PAPLN: variants seen among roughly 807,000 people sequenced by gnomAD.
PAPLN encodes papilin, proteoglycan like sulfated glycoprotein, also known as papilin.
Under a neutral mutation model 159.0 loss-of-function variants are expected in PAPLN, and 146 were observed. The ratio of observed to expected loss-of-function variants is 0.92; its 90% CI spans 0.80 to 1.05. PAPLN has a LOEUF of 1.05. PAPLN is among the 50% of genes least tolerant of loss of function. The pLI is 0.00. For synonymous variants in PAPLN, 734 were observed against 702.9 expected (o/e 1.04, Z -0.70); for missense variants, 1,720 against 1,743.9 (o/e 0.99, Z 0.24).
rs1887259530 is a variant in PAPLN, at chr14:73,266,837, G to C, written c.3500+6G>C. On this transcript the variant is annotated splice_donor_region_variant and intron_variant, in intron 25 of 26. Coordinates refer to ENST00000644200, the MANE Select transcript of PAPLN (RefSeq NM_001365906.3). ...GTGAACATCAGGTGGTCCAGGTAAAGGCTCTATTCCAAGTTGTCCCTGTCC... is the reference window on the plus strand; with the variant it reads ...GTGAACATCAGGTGGTCCAGGTAAACGCTCTATTCCAAGTTGTCCCTGTCC... The C allele has an allele frequency of 3.1e-6, 5 of 1,605,400 alleles. No homozygotes were observed. The highest frequency in any genetic ancestry group is 4.3e-6 in the Non-Finnish European group (5 of 1,175,774).
chr14:73,236,079 C>G (rs142397203), upstream of PAPLN, among the ~76,000 whole-genome samples: 855 of 152,212 alleles, frequency 5.6e-3, 11 homozygotes, highest in African/African-American at 0.019. Flanking sequence ...TTGCCACCAC[C>G]CCACCCCCAA....
chr14:73,247,797 CGT>C (rs869273897), intron 5 of PAPLN, among the ~76,000 whole-genome samples: 58 of 32,520 alleles, frequency 1.8e-3, no homozygotes, highest in Admixed American at 1.6e-3. Flanking sequence ...TCTCTTATCC[CGT>C]GTGTGTGTGT....
chr14:73,259,846 A>C (rs1238950655), intron 16 of PAPLN, among the ~76,000 whole-genome samples: 3 of 152,146 alleles, frequency 2.0e-5, no homozygotes, highest in Non-Finnish European at 4.4e-5. Context: ...TCTAGCTCTC[A>C]GATCTAACCA....
chr14:73,249,545 G>A (rs751885416), intron 5 of PAPLN, among the ~76,000 whole-genome samples: 37 of 151,936 alleles, frequency 2.4e-4, no homozygotes, highest in African/African-American at 6.8e-4. Flanking sequence ...GTGGTGGCGC[G>A]TGCCTGTAGT....
At chr14:73,254,482 C>T (rs772340320) in intron 12 of PAPLN, 31 bp from the exon 13 acceptor site, 18 of 1,608,958 alleles carry the variant, frequency 1.1e-5, no homozygotes, top group Admixed American at 1.7e-5. Context: ...GGGGCAAGGC[C>T]GAGCTTCTGC....
At chr14:73,247,891 T>C (rs756337238) in intron 5 of PAPLN, among the ~76,000 whole-genome samples, 47 of 8,558 alleles carry the variant, frequency 5.5e-3, no homozygotes, top group Non-Finnish European at 7.3e-3. Flanking sequence ...ATATCCTCCG[T>C]GTGTGTGTGT....
At chr14:73,246,885 C>G (rs1419029178) in intron 5 of PAPLN, 1 of 152,308 alleles carries the variant, frequency 6.6e-6, no homozygotes, top group African/African-American at 2.4e-5. Context: ...CAGCATTTGT[C>G]AAATACCCCA....
chr14:73,239,640 G>A, intron 1 of PAPLN, 133 bp from the exon 2 acceptor site: 3 of 1,426,216 alleles, frequency 2.1e-6, no homozygotes, highest in Non-Finnish European at 2.8e-6. Flanking sequence ...GCACCGAGGC[G>A]CACCCGGCTG....
At position 73,249,966 on chromosome 14, in the gene PAPLN, C is replaced by T. The variant is rs1263018071; in HGVS notation, c.335-18C>T. 6.3e-7 allele frequency: 1 copy of T among 1,586,052 alleles called. No individual in the cohort carries two copies. The highest frequency in any genetic ancestry group is 8.6e-7 in the Non-Finnish European group (1 of 1,165,162). The stretch of plus-strand genomic sequence containing the variant: ...CATCAACCTCAGGATCTCAGTCTTG[C>T]CTTCCTGCCCACCCCAGCCCCAAAC... On this transcript the variant is annotated intron_variant, in intron 5 of 26. Transcript: ENST00000644200.
Position 73,272,513 on chromosome 14 carries a change from G to T in PAPLN, c.3686G>T (p.Arg1229Met). 6.4e-7 allele frequency: 1 copy of T among 1,562,910 alleles called. No homozygotes were observed. Among genetic ancestry groups the T allele is most frequent in the Non-Finnish European group, 8.8e-7 (1 of 1,142,788 alleles). The part of the protein sequence containing the change: ...VVSPAPTAQP[R>M]DPGRDCVDQP... ...TCTGCAGCACCCACCGCCCAGCCCA[G>T]GGACCCTGGCAGGGACTGCGTCGAC... The change falls in exon 27 of 27, where the codon AGG (arginine) becomes ATG (methionine). Residue 1229 changes from arginine to methionine, a missense_variant. Transcript: ENST00000644200.
chr14:73,263,703 C>T lies in PAPLN; in HGVS notation c.2782C>T (p.Arg928Trp), dbSNP rs139258651. ...GCAGGCAGCCCTGGGGCAGTTGGTGCGGCTCTCCTGCTCAGACGACACTGC... is the reference window on the plus strand; with the variant it reads ...GCAGGCAGCCCTGGGGCAGTTGGTGTGGCTCTCCTGCTCAGACGACACTGC... ...LVQAALGQLV[R>W]LSCSDDTAPE... The change falls in exon 20 of 27, where the codon CGG becomes TGG. Residue 928 changes from arginine to tryptophan, a missense_variant. Transcript: ENST00000644200. The T allele has an allele frequency of 9.9e-6, 16 of 1,612,788 alleles. No individual in the cohort carries two copies. Among genetic ancestry groups the T allele is most frequent in the Non-Finnish European group, 1.3e-5 (15 of 1,179,988 alleles).
rs1442325716 is a variant in PAPLN at position 73,250,954 on chromosome 14, G to A, written c.513G>A (p.Lys171=). ...TGGACTCGTCCAAGCAGGAGGACAA[G>A]TGTCTGCGGTGTGGGGGTGACGGCA... is the stretch of plus-strand genomic sequence containing the variant. ...HELDSSKQED[K]CLRCGGDGTT... Residue 171 remains lysine, a synonymous_variant, in exon 7 of 27, where the codon AAG becomes AAA. Coordinates refer to ENST00000644200, the MANE Select transcript of PAPLN (RefSeq NM_001365906.3). 6 of 1,613,838 alleles carry A rather than the reference G, an allele frequency of 3.7e-6. No homozygotes were observed. Among genetic ancestry groups the A allele is most frequent in the Non-Finnish European group, 5.1e-6 (6 of 1,179,960 alleles).
chr14:73,239,659 C>A, intron 1 of PAPLN, 114 bp from the exon 2 acceptor site: 1 of 1,467,370 alleles, frequency 6.8e-7, no homozygotes, highest in African/African-American at 1.4e-5. Context: ...TGTCCTGTTG[C>A]GGGTCTCCTG....
intron 26 of PAPLN, among the ~76,000 whole-genome samples, chr14:73,271,749 C>G (rs563830301): frequency 1.3e-5 from 2 of 152,324 alleles, no homozygotes; most frequent in African/African-American, 4.8e-5. Context: ...ATCCGCCCGC[C>G]TTGGCCTCCC....
rs1156585660 is a variant in PAPLN, at chr14:73,265,293, C to T, written c.3126-77C>T. ...TGGAGAGGGAGAAGGGGCCACCAGG[C>T]TTGTGCAGAGGTGCCCATGGGAGTA... On this transcript the variant is annotated intron_variant, in intron 22 of 26. Transcript: ENST00000644200. This position sits in a 1 kb window ranked among gnomAD's most constrained non-coding sequence, Gnocchi z 4.1. 23 of 1,550,690 alleles carry T rather than the reference C, an allele frequency of 1.5e-5. No homozygotes were observed. Among genetic ancestry groups the T allele is most frequent in the Non-Finnish European group, 1.8e-5 (21 of 1,152,622 alleles).
At chr14:73,237,826 T>C (rs1432827476) in intron 1 of PAPLN, among the ~76,000 whole-genome samples, 3 of 151,904 alleles carry the variant, frequency 2.0e-5, no homozygotes, top group Non-Finnish European at 4.4e-5. Flanking sequence ...GCCGGGGAGC[T>C]GGTGCGGGAC....
chr14:73,245,438 G>C lies in PAPLN; in HGVS notation c.171-198G>C. 1.7e-6 allele frequency: 1 copy of C among 596,276 alleles called. No homozygotes were observed. Among genetic ancestry groups the C allele is most frequent in the Non-Finnish European group, 3.0e-6 (1 of 337,600 alleles). 36.9% of individuals were successfully genotyped at this position (596,276 alleles called of 1,614,324 possible). On this transcript the variant is annotated intron_variant, in intron 3 of 26. Transcript: ENST00000644200. The surrounding 1 kb of genome is among the most constrained non-coding windows in gnomAD (Gnocchi z 4.2). ...CAAACTATAGGGTGGGTAGGGCTCT[G>C]AGTCCCGCTTCTCTGGAGTACCAAC...
chr14:73,272,413 G>A (rs951455951), intron 26 of PAPLN, 82 bp from the exon 27 acceptor site: 5 of 1,320,626 alleles, frequency 3.8e-6, no homozygotes, highest in Admixed American at 2.4e-5. Flanking sequence ...GTGTTCCTTT[G>A]AAGGAAATGA....
rs773931976 is a variant in PAPLN, at chr14:73,259,404, C to CCCCA, written c.1845_1848dup (p.Tyr617ProfsTer53). The CCCCA allele has an allele frequency of 6.7e-5, 108 of 1,612,780 alleles. No individual in the cohort carries two copies. In the East Asian group the frequency reaches 2.4e-3, roughly 35 times the overall value. Reference sequence around the variant, plus strand: ...GGCCCCGCTCCCTCTCTGCAGCAGCCCCCATACCAGCAACCCCTGCGGTCG... The same window carrying CCCCA: ...GGCCCCGCTCCCTCTCTGCAGCAGCCCCCACCCATACCAGCAACCCCTGCGGTCG... On this transcript the variant is annotated frameshift_variant, in exon 16 of 27. Transcript: ENST00000644200. LOFTEE classifies it high-confidence loss of function.
Sources: gnomAD v4.1 joint callset for allele counts (sites outside exome capture counted in the v4.1 genomes callset) on GRCh38, gnomAD v4.1.1 for gene constraint, Gnocchi (gnomAD v3.1) non-coding constraint, MANE v1.5 for transcripts, NCBI Gene and HGNC (gene_info 2026-07-23, HGNC 2026-07-21) for gene names.